Variants in MLLT1 observed in about 807,000 individuals in gnomAD.
MLLT1 encodes the protein protein ENL.
MLLT1 carries 11 observed loss-of-function variants against 55.1 expected under a neutral mutation model. The observed-to-expected ratio is 0.20, with a 90% CI of 0.13 to 0.33. The LOEUF (loss-of-function observed/expected upper bound fraction) is 0.33, where lower values mean the gene tolerates loss of function less well. MLLT1 is among the 10% of genes least tolerant of loss of function. The probability of loss-of-function intolerance (pLI) is 1.00; values close to 1 mark genes in which losing one functional copy is unlikely to be tolerated. For synonymous variants in MLLT1, 323 were observed against 320.1 expected (o/e 1.01, Z -0.10); for missense variants, 536 against 760.6 (o/e 0.70, Z 3.47).
chr19:6,219,840 C>T lies in MLLT1; in HGVS notation c.1111-1799G>A, dbSNP rs1004344456. Among the ~76,000 whole-genome samples, 5 of 152,370 alleles carry T rather than the reference C, an allele frequency of 3.3e-5. No homozygotes were observed. Among genetic ancestry groups the T allele is most frequent in the East Asian group, 1.9e-4 (1 of 5,190 alleles). On this transcript the variant is annotated intron_variant, in intron 6 of 11. Coordinates refer to ENST00000252674, the MANE Select transcript of MLLT1 (RefSeq NM_005934.4). The surrounding 1 kb of genome is among the most constrained non-coding windows in gnomAD (Gnocchi z 4.5). ...GAGGCCCCCAAGCCTGTCCTGGCGC[C>T]GTGCCAGACAGAGGAAAGCCAGTCA...
At position 6,213,993 on chromosome 19, in the gene MLLT1, G is replaced by A. The variant is rs1360378199; in HGVS notation, c.1353C>T (p.Ser451=). Residue 451 remains serine, a synonymous_variant, in exon 9 of 12, where the codon TCC becomes TCT. Transcript: ENST00000252674. ...DSESDNSADS[S]LPSREPPPPQ... Reference sequence around the variant, plus strand: ...GGGGTGGGGGCTCACGGCTGGGCAGGGAGGAGTCGGCGCTGTTGTCACTCT... The same window carrying A: ...GGGGTGGGGGCTCACGGCTGGGCAGAGAGGAGTCGGCGCTGTTGTCACTCT... The A allele has an allele frequency of 1.4e-6, 2 of 1,460,990 alleles. No homozygotes were observed. The highest frequency in any genetic ancestry group is 1.5e-5 in the South Asian group (1 of 66,002). 90.5% of individuals were successfully genotyped at this position (1,460,990 alleles called of 1,614,324 possible). A position where few individuals can be genotyped will look rare whatever the true frequency, so the allele number is the denominator to read the frequency against.
Position 6,211,946 on chromosome 19 carries a change from A to T in MLLT1, c.*1096T>A. The T allele has an allele frequency of 1.9e-6, 2 of 1,065,462 alleles. No homozygotes were observed. Among genetic ancestry groups the T allele is most frequent in the Non-Finnish European group, 2.3e-6 (2 of 879,104 alleles). 66.0% of individuals were successfully genotyped at this position (1,065,462 alleles called of 1,614,324 possible). ...GAGAGAAAGGCAGCCTGGGAGGGCC[A>T]GCCCGGCCAACCCACCGGGCCTGCT... On this transcript the variant is annotated 3_prime_UTR_variant, in exon 12 of 12. Coordinates refer to ENST00000252674, the MANE Select transcript of MLLT1 (RefSeq NM_005934.4). The surrounding 1 kb of genome is among the most constrained non-coding windows in gnomAD (Gnocchi z 4.6).
In MLLT1 at chr19:6,211,995, G is replaced by A. The variant is rs2090777722; in HGVS notation, c.*1047C>T. On this transcript the variant is annotated 3_prime_UTR_variant, in exon 12 of 12. Coordinates refer to ENST00000252674, the MANE Select transcript of MLLT1 (RefSeq NM_005934.4). This position sits in a 1 kb window ranked among gnomAD's most constrained non-coding sequence, Gnocchi z 4.6. ...CTGATGGCCGAGCCCACGCTCGAGGGGCTGACCAGAGTTCAATGCGCCTCA... is the reference window on the plus strand; with the variant it reads ...CTGATGGCCGAGCCCACGCTCGAGGAGCTGACCAGAGTTCAATGCGCCTCA... 4 of 1,065,586 alleles carry A rather than the reference G, an allele frequency of 3.8e-6. No homozygotes were observed. The highest frequency in any genetic ancestry group is 9.1e-5 in the South Asian group (2 of 21,988). The allele number at this position is 1,065,586 out of a possible 1,614,324, so 66.0% of individuals were successfully genotyped here. A position where few individuals can be genotyped will look rare whatever the true frequency, so the allele number is the denominator to read the frequency against.
At chr19:6,215,091 T>C (rs1436329636) in intron 8 of MLLT1, among the ~76,000 whole-genome samples, 1 of 151,956 alleles carries the variant, frequency 6.6e-6, no homozygotes, top group Non-Finnish European at 1.5e-5. Context: ...TGGGCACCGC[T>C]GCAGACTGGG....
At chr19:6,267,050 A>G (rs995469962) in intron 2 of MLLT1, among the ~76,000 whole-genome samples, 23 of 152,088 alleles carry the variant, frequency 1.5e-4, no homozygotes, top group African/African-American at 5.6e-4. Context: ...GGACTGCTTG[A>G]GCCCAAGGAG....
intron 3 of MLLT1, among the ~76,000 whole-genome samples, chr19:6,237,928 T>A (rs544615282): frequency 6.6e-6 from 1 of 152,130 alleles, no homozygotes; most frequent in Non-Finnish European, 1.5e-5. Context: ...CACAGTGAGA[T>A]CTCATCTCTA....
chr19:6,242,682 G>C (rs1355038786), intron 3 of MLLT1, among the ~76,000 whole-genome samples: 1 of 152,202 alleles, frequency 6.6e-6, no homozygotes, highest in African/African-American at 2.4e-5. Context: ...TGAAGGAAGA[G>C]GAATCTGGCG....
At chr19:6,232,473 C>T (rs1430166723) in intron 3 of MLLT1, among the ~76,000 whole-genome samples, 4 of 152,202 alleles carry the variant, frequency 2.6e-5, no homozygotes, top group African/African-American at 9.7e-5. Context: ...AGCACTAACG[C>T]CACATAGCTC....
At position 6,222,048 on chromosome 19, in the gene MLLT1, C is replaced by T. The variant is rs998524496; in HGVS notation, c.1110+73G>A. The T allele has an allele frequency of 3.2e-5, 42 of 1,302,486 alleles. No individual in the cohort carries two copies. The highest frequency in any genetic ancestry group is 4.0e-4 in the Middle Eastern group (2 of 5,030). 80.7% of individuals were successfully genotyped at this position (1,302,486 alleles called of 1,614,324 possible). On this transcript the variant is annotated intron_variant, in intron 6 of 11. Coordinates refer to ENST00000252674, the MANE Select transcript of MLLT1 (RefSeq NM_005934.4). This position sits in a 1 kb window ranked among gnomAD's most constrained non-coding sequence, Gnocchi z 4.1. The stretch of plus-strand genomic sequence containing the variant: ...TCCTGGCTCAGATCCCACCTCCTTC[C>T]GCTGTTCCAGAAGGGAGGCGGGTCC...
At position 6,233,505 on chromosome 19, in the gene MLLT1, C is replaced by T. The variant is rs554016347; in HGVS notation, c.277-2792G>A. Among the ~76,000 whole-genome samples, 62 of 152,306 alleles carry T rather than the reference C, an allele frequency of 4.1e-4. 1 individual carries two copies. The Middle Eastern group carries it at 0.027, about 67-fold the overall frequency. On this transcript the variant is annotated intron_variant, in intron 3 of 11. Transcript: ENST00000252674. ...CCAGGCTAGGGCTCCCTCCCCTTGT[C>T]CGAGGGGACATGTGACAGGCTTGGG...
intron 1 of MLLT1, among the ~76,000 whole-genome samples, chr19:6,279,488 A>T (rs2091445826): frequency 6.6e-6 from 1 of 151,494 alleles, no homozygotes; most frequent in African/African-American, 2.4e-5. Flanking sequence ...TGGCGTTCCG[A>T]GGGGTCTCCC....
chr19:6,217,872 G>T, intron 7 of MLLT1, 82 bp downstream of exon 7: 1 of 1,514,282 alleles, frequency 6.6e-7, no homozygotes, highest in Non-Finnish European at 8.8e-7. Context: ...GCAGGCAGTG[G>T]ACGCTGAGGA....
chr19:6,253,060 G>A (rs1449985205), intron 3 of MLLT1, among the ~76,000 whole-genome samples: 1 of 151,638 alleles, frequency 6.6e-6, no homozygotes, highest in African/African-American at 2.4e-5. Flanking sequence ...TCAGGAGATC[G>A]AGACCATCCT....
chr19:6,244,063 A>G (rs906789609), intron 3 of MLLT1, among the ~76,000 whole-genome samples: 4 of 151,280 alleles, frequency 2.6e-5, no homozygotes, highest in Non-Finnish European at 5.9e-5. Flanking sequence ...AAAAAAAAAA[A>G]AAGAAGTCAA....
Position 6,273,577 on chromosome 19 carries a change from C to T in MLLT1, c.13-2818G>A, listed in dbSNP as rs989660375. 7.9e-5 allele frequency among the ~76,000 whole-genome samples: 12 copies of T among 152,194 alleles called. No individual in the cohort carries two copies. Among genetic ancestry groups the T allele is most frequent in the African/African-American group, 2.2e-4 (9 of 41,454 alleles). Reference sequence around the variant, plus strand: ...GCATTCCAACAAACCCAAAACAACACTGACATTAGCCCCGAGCGGCCATGA... The same window carrying T: ...GCATTCCAACAAACCCAAAACAACATTGACATTAGCCCCGAGCGGCCATGA... On this transcript the variant is annotated intron_variant, in intron 1 of 11. Transcript: ENST00000252674. The surrounding 1 kb of genome is among the most constrained non-coding windows in gnomAD (Gnocchi z 4.3).
chr19:6,271,454 G>A (rs2233182), intron 1 of MLLT1, among the ~76,000 whole-genome samples: 27 of 152,052 alleles, frequency 1.8e-4, no homozygotes, highest in African/African-American at 5.8e-4. Context: ...CCTGGTGACC[G>A]GTCCCAGGTG....
chr19:6,234,225 C>T (rs1478878850), intron 3 of MLLT1, among the ~76,000 whole-genome samples: 3 of 152,230 alleles, frequency 2.0e-5, no homozygotes, highest in African/African-American at 7.2e-5. Context: ...GCGGGACCCC[C>T]GGGCTCCAGC....
rs1266034556 is a variant in MLLT1 at position 6,212,708 on chromosome 19, G to A, written c.*334C>T. 9 of 1,131,454 alleles carry A rather than the reference G, an allele frequency of 8.0e-6. No individual in the cohort carries two copies. The highest frequency in any genetic ancestry group is 4.6e-5 in the Admixed American group (1 of 21,750). 70.1% of individuals were successfully genotyped at this position (1,131,454 alleles called of 1,614,324 possible). A position where few individuals can be genotyped will look rare whatever the true frequency, so the allele number is the denominator to read the frequency against. On this transcript the variant is annotated 3_prime_UTR_variant, in exon 12 of 12. Coordinates refer to ENST00000252674, the MANE Select transcript of MLLT1 (RefSeq NM_005934.4). ...CTGGGGCAGCGACGCCGCACAGCCC[G>A]CCGAGCAGTGGGGGCTGGTCCCAAG...
At chr19:6,252,136 G>T (rs188918070) in intron 3 of MLLT1, among the ~76,000 whole-genome samples, 1 of 152,140 alleles carries the variant, frequency 6.6e-6, no homozygotes, top group Non-Finnish European at 1.5e-5. Flanking sequence ...CAGAGAAATG[G>T]CCATCTGTCT....
Sources: gnomAD v4.1 joint callset for allele counts (sites outside exome capture counted in the v4.1 genomes callset) on GRCh38, gnomAD v4.1.1 for gene constraint, Gnocchi (gnomAD v3.1) non-coding constraint, MANE v1.5 for transcripts, NCBI Gene and HGNC (gene_info 2026-07-23, HGNC 2026-07-21) for gene names.